Variants in PLEKHA2 observed in about 807,000 individuals in gnomAD.
PLEKHA2 encodes pleckstrin homology domain-containing family A member 2.
A neutral mutation model predicts 53.2 loss-of-function variants in PLEKHA2; 28 were observed. The observed-to-expected ratio is 0.53, with a 90% confidence interval of 0.39 to 0.72. The LOEUF (loss-of-function observed/expected upper bound fraction) is 0.72. Among genes scored for constraint, PLEKHA2 ranks in the 30% least tolerant of loss-of-function variants. The pLI, the probability that PLEKHA2 is intolerant of heterozygous loss-of-function variation, is 0.00. For missense variants in PLEKHA2, 426 were observed against 537.9 expected (o/e 0.79, Z 2.06); for synonymous variants, 193 against 196.4 (o/e 0.98, Z 0.14).
chr8:38,933,543 CAG>C (rs1051894374), intron 2 of PLEKHA2, among the ~76,000 whole-genome samples: 4 of 151,994 alleles, frequency 2.6e-5, no homozygotes, highest in Admixed American at 2.0e-4. Context: ...AAAATGAGGT[CAG>C]GGGTGGTGGA....
intron 1 of PLEKHA2, among the ~76,000 whole-genome samples, chr8:38,910,703 A>G (rs905240331): frequency 5.3e-5 from 8 of 152,220 alleles, no homozygotes; most frequent in Admixed American, 1.3e-4. Flanking sequence ...TGCTCTTTCC[A>G]TGTAAAAGAA....
At chr8:38,917,126 A>AT (rs990695886) in intron 1 of PLEKHA2, among the ~76,000 whole-genome samples, 9 of 151,662 alleles carry the variant, frequency 5.9e-5, no homozygotes, top group Admixed American at 2.0e-4. Flanking sequence ...GGATTATGAG[A>AT]TTTTTTTTCC....
At chr8:38,961,466 G>C (rs1835041015) in intron 10 of PLEKHA2, among the ~76,000 whole-genome samples, 1 of 150,706 alleles carries the variant, frequency 6.6e-6, no homozygotes, top group Admixed American at 6.6e-5. Context: ...GAACCCAGGG[G>C]GCGGAGGTTG....
chr8:38,947,277 C>A (rs908855592), intron 5 of PLEKHA2, among the ~76,000 whole-genome samples: 2 of 151,998 alleles, frequency 1.3e-5, no homozygotes, highest in African/African-American at 4.8e-5. Flanking sequence ...ATAGTGAAAC[C>A]CCGTCTCTAC....
chr8:38,943,510 A>C (rs1235242577), intron 3 of PLEKHA2, among the ~76,000 whole-genome samples: 1 of 152,090 alleles, frequency 6.6e-6, no homozygotes, highest in African/African-American at 2.4e-5. Flanking sequence ...AATAATAAAC[A>C]TAAGTCTTTT....
intron 10 of PLEKHA2, among the ~76,000 whole-genome samples, chr8:38,962,226 C>T (rs558782179): frequency 1.3e-5 from 2 of 152,210 alleles, no homozygotes; most frequent in Non-Finnish European, 2.9e-5. Flanking sequence ...CAGTGGCTCA[C>T]ACCTCTAATC....
At chr8:38,909,126 G>A (rs1833920021) in intron 1 of PLEKHA2, among the ~76,000 whole-genome samples, 1 of 150,434 alleles carries the variant, frequency 6.6e-6, no homozygotes, top group Non-Finnish European at 1.5e-5. Context: ...CTGGGCGACA[G>A]AGCGAGACTC....
At chr8:38,921,317 G>A (rs148656403) in intron 2 of PLEKHA2, among the ~76,000 whole-genome samples, 36 of 152,262 alleles carry the variant, frequency 2.4e-4, no homozygotes, top group Non-Finnish European at 2.9e-4. Context: ...CCTGCTTCAC[G>A]CCATGCTTCC....
At chr8:38,961,965 G>C (rs1254463698) in intron 10 of PLEKHA2, among the ~76,000 whole-genome samples, 1 of 152,164 alleles carries the variant, frequency 6.6e-6, no homozygotes, top group Non-Finnish European at 1.5e-5. Flanking sequence ...ACAACTTACA[G>C]GTAGTATAAG....
intron 2 of PLEKHA2, among the ~76,000 whole-genome samples, chr8:38,933,514 G>A (rs866225403): frequency 5.3e-5 from 8 of 152,080 alleles, no homozygotes; most frequent in Non-Finnish European, 1.2e-4. Context: ...TCACTCACAA[G>A]CCCACTTTCC....
Position 38,939,996 on chromosome 8 carries a change from G to T in PLEKHA2, c.199-3793G>T, listed in dbSNP as rs145881060. Among the ~76,000 whole-genome samples, 561 of 151,764 alleles carry T rather than the reference G, an allele frequency of 3.7e-3. 6 individuals carry two copies. The highest frequency in any genetic ancestry group is 0.013 in the African/African-American group (534 of 41,394). On this transcript the variant is annotated intron_variant, in intron 3 of 11. Coordinates refer to ENST00000617275, the MANE Select transcript of PLEKHA2 (RefSeq NM_021623.2). ...TGTAGTCCCAGCTACTTGGGAGGCT[G>T]AGTTGGGAGGATCGCTGGAGCCCAG...
intron 1 of PLEKHA2, among the ~76,000 whole-genome samples, chr8:38,913,634 T>C (rs1312330159): frequency 6.6e-6 from 1 of 152,172 alleles, no homozygotes; most frequent in Non-Finnish European, 1.5e-5. Flanking sequence ...ATCACCAGCA[T>C]CCTGACCAGG....
At chr8:38,924,444 G>A (rs1245287265) in intron 2 of PLEKHA2, among the ~76,000 whole-genome samples, 1 of 152,216 alleles carries the variant, frequency 6.6e-6, no homozygotes, top group Non-Finnish European at 1.5e-5. Context: ...AAGGAGGACA[G>A]GGAAGGGAGG....
intron 10 of PLEKHA2, among the ~76,000 whole-genome samples, chr8:38,960,399 AG>A: frequency 6.6e-6 from 1 of 152,188 alleles, no homozygotes. Flanking sequence ...GGAGAGTTTG[AG>A]CCCTGGAGTT....
At chr8:38,918,169 A>C in intron 2 of PLEKHA2, 99 bp downstream of exon 2, 1 of 1,438,260 alleles carries the variant, frequency 7.0e-7, no homozygotes. Flanking sequence ...CTCGTGAGCA[A>C]CACAACCTGC....
chr8:38,968,904 T>C (rs986818425), intron 11 of PLEKHA2: 1 of 467,748 alleles, frequency 2.1e-6, no homozygotes. Context: ...ATTTCTTTTT[T>C]TTTTTTTTTT....
chr8:38,921,646 C>G (rs887201438), intron 2 of PLEKHA2, among the ~76,000 whole-genome samples: 1 of 152,254 alleles, frequency 6.6e-6, no homozygotes, highest in African/African-American at 2.4e-5. Context: ...AGGGCAGGCT[C>G]TTACTCTTTC....
At chr8:38,923,944 C>G (rs1036628061) in intron 2 of PLEKHA2, among the ~76,000 whole-genome samples, 1 of 152,022 alleles carries the variant, frequency 6.6e-6, no homozygotes, top group African/African-American at 2.4e-5. Context: ...CTCCGCCTCC[C>G]AGCTTAAAGA....
intron 10 of PLEKHA2, among the ~76,000 whole-genome samples, chr8:38,963,553 C>T (rs1362158480): frequency 6.6e-6 from 1 of 152,126 alleles, no homozygotes; most frequent in Non-Finnish European, 1.5e-5. Context: ...TTTTGTTTCT[C>T]ATGAATCCCA....
Sources: gnomAD v4.1 joint callset for allele counts (sites outside exome capture counted in the v4.1 genomes callset) on GRCh38, gnomAD v4.1.1 for gene constraint, MANE v1.5 for transcripts, NCBI Gene and HGNC (gene_info 2026-07-23, HGNC 2026-07-21) for gene names.